The following PLCH1 variants were observed in gnomAD, a reference collection of about 807,000 sequenced individuals.
PLCH1 encodes 1-phosphatidylinositol 4,5-bisphosphate phosphodiesterase eta-1.
In PLCH1, 60 loss-of-function variants were observed where a neutral mutation model predicts 126.7. That is an observed-to-expected ratio of 0.47 (90% CI 0.38 to 0.59). The LOEUF is 0.59. Among genes scored for constraint, PLCH1 ranks in the 20% least tolerant of loss-of-function variants. The pLI is 0.00. For synonymous variants in PLCH1, 719 were observed against 734.9 expected, an observed-to-expected ratio of 0.98 and a Z score of 0.35; for missense variants, 1,723 against 2,040.0, an observed-to-expected ratio of 0.84 and a Z score of 2.99.
chr3:155,461,587 A>T (rs1712730105), intron 21 of PLCH1, among the ~76,000 whole-genome samples: 1 of 152,190 alleles, frequency 6.6e-6, no homozygotes, highest in South Asian at 2.1e-4. Flanking sequence ...CTCTGGTGTC[A>T]CTCCCTCAAC....
chr3:155,483,152 T>G (rs1327596765), intron 22 of PLCH1, 101 bp from the exon 23 acceptor site: 13 of 1,112,360 alleles, frequency 1.2e-5, no homozygotes, highest in Non-Finnish European at 1.7e-5. Flanking sequence ...AATGTAAATC[T>G]GTTACACTGT....
chr3:155,710,834 CAAAAA>C (rs35396005), intron 1 of PLCH1, among the ~76,000 whole-genome samples: 1 of 104,424 alleles, frequency 9.6e-6, no homozygotes. Flanking sequence ...AACTCTGTCT[CAAAAA>C]AAAAAAAAAA....
chr3:155,506,515 A>T (rs1030331811), intron 12 of PLCH1, among the ~76,000 whole-genome samples: 1 of 50,882 alleles, frequency 2.0e-5, no homozygotes. Flanking sequence ...CCCCCACCCC[A>T]CCACAGTCCC....
At position 155,680,911 on chromosome 3, in the gene PLCH1, C is replaced by A. The variant is rs185111303; in HGVS notation, c.79+23235G>T. ...CGATGTCTGTAAGACATTGCAATTA[C>A]CTGGAGAATGTTTGACATACTAAGT... On this transcript the variant is annotated intron_variant, in intron 2 of 22. Transcript: ENST00000460012. Among the ~76,000 whole-genome samples, 7 of 152,054 alleles carry A rather than the reference C, an allele frequency of 4.6e-5. No homozygotes were observed. The East Asian group carries it at 1.4e-3, about 29-fold the overall frequency.
chr3:155,505,868 T>C (rs1718579230), intron 12 of PLCH1, among the ~76,000 whole-genome samples: 1 of 151,088 alleles, frequency 6.6e-6, no homozygotes, highest in South Asian at 2.1e-4. Context: ...ACATTTCCTT[T>C]AGCAAGCCTC....
intron 9 of PLCH1, among the ~76,000 whole-genome samples, chr3:155,552,105 G>T (rs181669876): frequency 4.6e-4 from 70 of 152,250 alleles, no homozygotes; most frequent in Non-Finnish European, 8.1e-4. Flanking sequence ...TATTAGAAAA[G>T]CATTTTTAAC....
At chr3:155,509,482 G>A (rs760715724) in intron 12 of PLCH1, among the ~76,000 whole-genome samples, 600 of 19,462 alleles carry the variant, frequency 0.031, 23 homozygotes, top group Non-Finnish European at 0.039. Context: ...GCTTTCTCTT[G>A]TGGGCATTTA....
intron 2 of PLCH1, among the ~76,000 whole-genome samples, chr3:155,626,615 A>G (rs1559863349): frequency 6.6e-6 from 1 of 151,720 alleles, no homozygotes; most frequent in Non-Finnish European, 1.5e-5. Flanking sequence ...TAAAAATACA[A>G]AAAATTAGCC....
chr3:155,665,291 A>G (rs1742602530), intron 2 of PLCH1, among the ~76,000 whole-genome samples: 1 of 152,298 alleles, frequency 6.6e-6, no homozygotes, highest in East Asian at 1.9e-4. Context: ...CCACTGAGAT[A>G]GCTTTATCTG....
chr3:155,570,417 T>C (rs757712829), intron 6 of PLCH1, among the ~76,000 whole-genome samples: 1 of 152,196 alleles, frequency 6.6e-6, no homozygotes, highest in Non-Finnish European at 1.5e-5. Context: ...GACAGTTTTG[T>C]TTGTCATTGA....
chr3:155,470,006 A>C (rs1473035914), intron 21 of PLCH1, among the ~76,000 whole-genome samples: 1 of 152,200 alleles, frequency 6.6e-6, no homozygotes, highest in Non-Finnish European at 1.5e-5. Context: ...GGAAACTCTA[A>C]AACGCAGAAC....
chr3:155,710,721 T>TG (rs1485441023), intron 1 of PLCH1, among the ~76,000 whole-genome samples: 2 of 151,644 alleles, frequency 1.3e-5, no homozygotes, highest in African/African-American at 4.9e-5. Context: ...TAATCGCAGC[T>TG]ACTCAGGAGG....
Position 155,494,380 on chromosome 3 carries a change from T to C in PLCH1, c.2032A>G (p.Asn678Asp). The change falls in exon 16 of 23, where the codon AAC (asparagine) becomes GAC (aspartate). Residue 678 changes from asparagine (N) to aspartate (D), a missense_variant. This residue lies in a region of PLCH1 where 776 missense variants were observed against 1,062.9 expected (regional missense o/e 0.73). Coordinates refer to ENST00000460012, the MANE Select transcript of PLCH1 (RefSeq NM_014996.4). ...TTCCAGTAGGGGAGAGGGTTGAAGT[T>C]ACTGGAATCAATGCGGTAGGCAGAG... ...YPSAYRIDSSNFNPLPYWNAG... is the reference protein window; with the variant it reads ...YPSAYRIDSSDFNPLPYWNAG... 6.2e-7 allele frequency: 1 copy of C among 1,614,168 alleles called. No homozygotes were observed. Among genetic ancestry groups the C allele is most frequent in the Non-Finnish European group, 8.5e-7 (1 of 1,180,020 alleles).
chr3:155,492,050 C>G (rs186274699), intron 18 of PLCH1, among the ~76,000 whole-genome samples: 2 of 152,112 alleles, frequency 1.3e-5, no homozygotes, highest in East Asian at 3.9e-4. Flanking sequence ...TATGGCGGTA[C>G]CAAATTGTAG....
intron 10 of PLCH1, among the ~76,000 whole-genome samples, chr3:155,548,320 T>G (rs1725661481): frequency 6.6e-6 from 1 of 152,206 alleles, no homozygotes; most frequent in Non-Finnish European, 1.5e-5. Context: ...CTCCTTAATG[T>G]CTAAACAACA....
intron 15 of PLCH1, 36 bp downstream of exon 15, chr3:155,497,284 T>C (rs1467815927): frequency 7.6e-7 from 1 of 1,323,882 alleles, no homozygotes; most frequent in Non-Finnish European, 1.1e-6. Context: ...CAAGAATGTT[T>C]ATTCAGAGCA....
chr3:155,609,629 C>A (rs1734791174), intron 2 of PLCH1, among the ~76,000 whole-genome samples: 1 of 151,684 alleles, frequency 6.6e-6, no homozygotes, highest in African/African-American at 2.4e-5. Flanking sequence ...AGGTGAAAAA[C>A]AAAGAAATTA....
chr3:155,496,554 T>C (rs1217337039), intron 15 of PLCH1, among the ~76,000 whole-genome samples: 2 of 152,026 alleles, frequency 1.3e-5, no homozygotes, highest in Admixed American at 1.3e-4. Flanking sequence ...ATCCTGGAGG[T>C]TTGTGAGGAC....
chr3:155,631,050 TTATC>T (rs1737957906), intron 2 of PLCH1, among the ~76,000 whole-genome samples: 1 of 152,190 alleles, frequency 6.6e-6, no homozygotes, highest in South Asian at 2.1e-4. Flanking sequence ...TAAAAGTTGT[TTATC>T]TAACCCTAAA....
Sources: gnomAD v4.1 joint callset for allele counts (sites outside exome capture counted in the v4.1 genomes callset) on GRCh38, gnomAD v4.1.1 for gene constraint, gnomAD v4.1.1 regional missense constraint, MANE v1.5 for transcripts, NCBI Gene and HGNC (gene_info 2026-07-23, HGNC 2026-07-21) for gene names.